Variants in STXBP5L observed in about 807,000 individuals in gnomAD.
STXBP5L encodes syntaxin binding protein 5L.
STXBP5L carries 65 observed loss-of-function variants against 144.5 expected under a neutral mutation model. The observed-to-expected ratio is 0.45, with a 90% CI of 0.37 to 0.55. The LOEUF (loss-of-function observed/expected upper bound fraction) is 0.55. Ranked by LOEUF, STXBP5L falls within the 20% of genes least tolerant of loss-of-function variation. The pLI is 0.00. For synonymous variants in STXBP5L, 505 were observed against 469.6 expected (o/e 1.08, Z -0.97); for missense variants, 1,298 against 1,405.5 (o/e 0.92, Z 1.22).
At position 121,063,117 on chromosome 3, in the gene STXBP5L, G is replaced by A. The variant is rs2041364090; in HGVS notation, c.470+17582G>A. ...GGTTCTTGGAATTTTCAACCTTTTTGCGCTGGCTTCTCCCCATCTTTGTGG... is the reference window on the plus strand; with the variant it reads ...GGTTCTTGGAATTTTCAACCTTTTTACGCTGGCTTCTCCCCATCTTTGTGG... On this transcript the variant is annotated intron_variant, in intron 5 of 26. Transcript: ENST00000471454. Among the ~76,000 whole-genome samples the A allele has an allele frequency of 2.0e-5, 3 of 152,110 alleles. 1 individual carries two copies. The highest frequency in any genetic ancestry group is 7.2e-5 in the African/African-American group (3 of 41,432).
chr3:121,265,084 G>A lies in STXBP5L; in HGVS notation c.1958+5916G>A, dbSNP rs138285488. Among the ~76,000 whole-genome samples, 703 of 152,146 alleles carry A rather than the reference G, an allele frequency of 4.6e-3. 9 individuals are homozygous for A. Among genetic ancestry groups the A allele is most frequent in the Non-Finnish European group, 2.3e-3 (159 of 67,998 alleles). On this transcript the variant is annotated intron_variant, in intron 18 of 26. Coordinates refer to ENST00000471454, the MANE Select transcript of STXBP5L (RefSeq NM_001308330.2). ...AATCAACAAGACAGAAAATTAATAA[G>A]GATATTCTGGACTTGAACTCAGCTC... is the stretch of plus-strand genomic sequence containing the variant.
At chr3:121,028,507 C>G (rs1354209805) in intron 3 of STXBP5L, among the ~76,000 whole-genome samples, 6 of 152,106 alleles carry the variant, frequency 3.9e-5, no homozygotes. Flanking sequence ...AAGCTATCCA[C>G]TGCTGTGTGT....
rs184432575 is a variant in STXBP5L, at chr3:121,018,404, C to T, written c.288-23296C>T. Reference sequence around the variant, plus strand: ...ATCAATGATACAAAATAGGTAACACCAAAATAGATCTGTATAAATACAATC... The same window carrying T: ...ATCAATGATACAAAATAGGTAACACTAAAATAGATCTGTATAAATACAATC... On this transcript the variant is annotated intron_variant, in intron 3 of 26. Transcript: ENST00000471454. 6.1e-3 allele frequency among the ~76,000 whole-genome samples: 923 copies of T among 150,214 alleles called. 7 individuals carry two copies. Among genetic ancestry groups the T allele is most frequent in the Admixed American group, 0.013 (201 of 14,974 alleles).
At chr3:121,047,575 C>G (rs1947606406) in intron 5 of STXBP5L, among the ~76,000 whole-genome samples, 1 of 152,162 alleles carries the variant, frequency 6.6e-6, no homozygotes. Context: ...GTTAGGCATT[C>G]TTGTTGAATT....
chr3:121,052,481 C>T (rs551391434), intron 5 of STXBP5L, among the ~76,000 whole-genome samples: 1 of 152,028 alleles, frequency 6.6e-6, no homozygotes, highest in African/African-American at 2.4e-5. Flanking sequence ...ATAAACAGAA[C>T]CAAAGGCAAA....
At chr3:121,399,318 G>T (rs2046813535) in intron 22 of STXBP5L, among the ~76,000 whole-genome samples, 1 of 152,024 alleles carries the variant, frequency 6.6e-6, no homozygotes, top group Non-Finnish European at 1.5e-5. Context: ...TCCAACCATT[G>T]CTCCAGTGAC....
chr3:121,097,364 A>G (rs2043182416), intron 5 of STXBP5L, among the ~76,000 whole-genome samples: 1 of 152,168 alleles, frequency 6.6e-6, no homozygotes, highest in Non-Finnish European at 1.5e-5. Context: ...GTATGGAAAG[A>G]AAAACACCTG....
chr3:121,103,507 A>T (rs908222822), intron 5 of STXBP5L, among the ~76,000 whole-genome samples: 11 of 152,076 alleles, frequency 7.2e-5, no homozygotes, highest in Admixed American at 1.3e-4. Flanking sequence ...TGGATAAAAG[A>T]TGGCAAAAAT....
rs565398460 is a variant in STXBP5L, at chr3:120,930,952, A to T, written c.189+21185A>T. 5.3e-5 allele frequency among the ~76,000 whole-genome samples: 8 copies of T among 152,300 alleles called. No homozygotes were observed. In the East Asian group the frequency reaches 1.3e-3, roughly 26 times the overall value. ...TATCTTTCTGCCTGTTCTTGTGGCA[A>T]TCACATACCAATTTCTTTTTTCAGT... On this transcript the variant is annotated intron_variant, in intron 2 of 26. Coordinates refer to ENST00000471454, the MANE Select transcript of STXBP5L (RefSeq NM_001308330.2).
intron 9 of STXBP5L, among the ~76,000 whole-genome samples, chr3:121,169,622 G>C (rs915262846): frequency 6.6e-6 from 1 of 152,138 alleles, no homozygotes; most frequent in Non-Finnish European, 1.5e-5. Context: ...AATGGTAAAG[G>C]AATCAATGCA....
intron 3 of STXBP5L, among the ~76,000 whole-genome samples, chr3:121,017,586 A>T (rs1945231596): frequency 6.6e-6 from 1 of 152,244 alleles, no homozygotes; most frequent in Non-Finnish European, 1.5e-5. Flanking sequence ...GATTTCAGCA[A>T]AGTTGCAGGA....
rs72968036 is a variant in STXBP5L at position 121,253,441 on chromosome 3, A to G, written c.1442-1454A>G. On this transcript the variant is annotated intron_variant, in intron 15 of 26. Transcript: ENST00000471454. ...TTTGAGAGTAAGTTGGAGACACATT[A>G]CATACCCCTAAATACTTCAGTGTGT... Among the ~76,000 whole-genome samples, 379 of 151,978 alleles carry G rather than the reference A, an allele frequency of 2.5e-3. 2 individuals carry two copies. Among genetic ancestry groups the G allele is most frequent in the African/African-American group, 8.6e-3 (356 of 41,494 alleles).
chr3:121,205,271 C>A (rs933679393), intron 9 of STXBP5L, among the ~76,000 whole-genome samples: 1 of 152,152 alleles, frequency 6.6e-6, no homozygotes, highest in Non-Finnish European at 1.5e-5. Context: ...TGAGGGGCAA[C>A]ATCTGATGAG....
At chr3:120,981,647 A>G (rs1576563538) in intron 3 of STXBP5L, among the ~76,000 whole-genome samples, 1 of 152,178 alleles carries the variant, frequency 6.6e-6, no homozygotes, top group African/African-American at 2.4e-5. Flanking sequence ...GAGCTTTCAT[A>G]CCATCCATAT....
At chr3:121,098,061 C>T (rs2043221019) in intron 5 of STXBP5L, among the ~76,000 whole-genome samples, 1 of 151,908 alleles carries the variant, frequency 6.6e-6, no homozygotes, top group Non-Finnish European at 1.5e-5. Flanking sequence ...CTATGTATCC[C>T]TATTAGTATA....
At chr3:121,098,216 G>A (rs10212452) in intron 5 of STXBP5L, among the ~76,000 whole-genome samples, 77,558 of 151,894 alleles carry the variant, frequency 0.51, 20,264 homozygotes, top group Admixed American at 0.6. Context: ...AAGGGGATAT[G>A]TATTTTGGCT....
intron 4 of STXBP5L, among the ~76,000 whole-genome samples, chr3:121,044,306 G>T (rs1237400736): frequency 6.6e-6 from 1 of 151,974 alleles, no homozygotes; most frequent in Non-Finnish European, 1.5e-5. Context: ...AATATAAAGA[G>T]ACCTATCATA....
intron 7 of STXBP5L, among the ~76,000 whole-genome samples, chr3:121,136,612 C>T (rs1295106019): frequency 6.6e-6 from 1 of 152,176 alleles, no homozygotes; most frequent in African/African-American, 2.4e-5. Context: ...ATAGGTAACA[C>T]TTGTACACTG....
At chr3:121,347,552 A>G (rs1488374915) in intron 20 of STXBP5L, among the ~76,000 whole-genome samples, 2 of 152,128 alleles carry the variant, frequency 1.3e-5, no homozygotes, top group East Asian at 1.9e-4. Context: ...CTTGGGCAGT[A>G]TGGCCATTTT....
Sources: gnomAD v4.1 joint callset for allele counts (sites outside exome capture counted in the v4.1 genomes callset) on GRCh38, gnomAD v4.1.1 for gene constraint, MANE v1.5 for transcripts, NCBI Gene and HGNC (gene_info 2026-07-23, HGNC 2026-07-21) for gene names.